The following PDE8B variants were observed in gnomAD, a reference collection of about 807,000 sequenced individuals.
PDE8B encodes high affinity cAMP-specific and IBMX-insensitive 3',5'-cyclic phosphodiesterase 8B.
Under a neutral mutation model 101.3 loss-of-function variants are expected in PDE8B, and 26 were observed. The ratio of observed to expected loss-of-function variants is 0.26; its 90% CI spans 0.19 to 0.36. The LOEUF (loss-of-function observed/expected upper bound fraction) is 0.36. PDE8B is among the 10% of genes least tolerant of loss of function. The probability of loss-of-function intolerance (pLI) is 1.00; values close to 1 mark genes in which losing one functional copy is unlikely to be tolerated. For missense variants in PDE8B, 810 were observed against 1,163.1 expected (o/e 0.70, Z 4.42); for synonymous variants, 424 against 429.3 (o/e 0.99, Z 0.15).
At chr5:77,153,489 T>G in the PDE8B span, among the ~76,000 whole-genome samples, 2 of 152,050 alleles carry the variant, frequency 1.3e-5, no homozygotes, top group Non-Finnish European at 2.9e-5. Flanking sequence ...GGGCTGGGGA[T>G]AGATATTGGA....
chr5:77,325,789 C>T, intron 3 of PDE8B, 60 bp downstream of exon 3: 2 of 1,112,316 alleles, frequency 1.8e-6, no homozygotes, highest in Middle Eastern at 2.7e-4. Context: ...AAACGAATTT[C>T]ATTTATAGAT....
the PDE8B span, chr5:77,087,458 G>A: frequency 2.0e-5 from 3 of 152,272 alleles, no homozygotes; most frequent in African/African-American, 7.2e-5. Flanking sequence ...CCGGGCCTGA[G>A]TCTCAGAGCG....
In PDE8B at chr5:77,236,423, TTGA is replaced by T. The variant is rs550240754; in HGVS notation, c.339+25163_339+25165del. Among the ~76,000 whole-genome samples, 576 of 152,130 alleles carry T rather than the reference TTGA, an allele frequency of 3.8e-3. 2 individuals carry two copies. Among genetic ancestry groups the T allele is most frequent in the African/African-American group, 0.013 (547 of 41,500 alleles). Reference sequence around the variant, plus strand: ...GGGCACCCAGAAGTTAGAGGCTGGGTTGATGAGGAGAAATTCAGTTTCTAAGAA... The same window carrying T: ...GGGCACCCAGAAGTTAGAGGCTGGGTTGAGGAGAAATTCAGTTTCTAAGAA... On this transcript the variant is annotated intron_variant, in intron 1 of 21. Coordinates refer to ENST00000264917, the MANE Select transcript of PDE8B (RefSeq NM_003719.5).
At chr5:77,130,378 T>C in the PDE8B span, among the ~76,000 whole-genome samples, 3 of 152,264 alleles carry the variant, frequency 2.0e-5, no homozygotes, top group African/African-American at 7.2e-5. Flanking sequence ...TTAGTTCTCC[T>C]TCCTGGGAGT....
chr5:77,258,237 C>T (rs908031764), intron 1 of PDE8B, among the ~76,000 whole-genome samples: 4 of 143,398 alleles, frequency 2.8e-5, no homozygotes, highest in Non-Finnish European at 4.5e-5. Context: ...TGTAGTGAGC[C>T]GAGATTGCAT....
At chr5:77,182,225 G>T in the PDE8B span, among the ~76,000 whole-genome samples, 2 of 151,846 alleles carry the variant, frequency 1.3e-5, no homozygotes, top group Non-Finnish European at 2.9e-5. Flanking sequence ...CTAGTTCTTT[G>T]CAGTCTTGCT....
At chr5:77,300,911 T>C (rs985135606) in intron 1 of PDE8B, among the ~76,000 whole-genome samples, 1 of 152,224 alleles carries the variant, frequency 6.6e-6, no homozygotes, top group Non-Finnish European at 1.5e-5. Context: ...TTCAAAAAAG[T>C]GGGCATTTGC....
At chr5:77,191,057 C>T in the PDE8B span, among the ~76,000 whole-genome samples, 2 of 152,170 alleles carry the variant, frequency 1.3e-5, no homozygotes, top group African/African-American at 2.4e-5. Flanking sequence ...TGGCACACAG[C>T]CATTTTCTTG....
chr5:77,255,138 A>G (rs2149653134), intron 1 of PDE8B, among the ~76,000 whole-genome samples: 1 of 152,200 alleles, frequency 6.6e-6, no homozygotes, highest in African/African-American at 2.4e-5. Flanking sequence ...GTAGCCAAGG[A>G]TCAGACTTGT....
intron 10 of PDE8B, among the ~76,000 whole-genome samples, chr5:77,384,475 G>A (rs1352145491): frequency 6.6e-6 from 1 of 152,076 alleles, no homozygotes; most frequent in African/African-American, 2.4e-5. Context: ...TCTTTCTCTT[G>A]CCTGATTGCC....
chr5:77,214,960 G>C (rs1319838864), intron 1 of PDE8B, among the ~76,000 whole-genome samples: 19 of 152,198 alleles, frequency 1.2e-4, no homozygotes, highest in African/African-American at 4.6e-4. Context: ...CCAGGCGAAT[G>C]AGGTGGGGCC....
Position 77,229,556 on chromosome 5 carries a change from A to G in PDE8B, c.339+18292A>G, listed in dbSNP as rs183446547. 5.3e-5 allele frequency among the ~76,000 whole-genome samples: 8 copies of G among 152,310 alleles called. No homozygotes were observed. The South Asian group carries it at 1.0e-3, about 20-fold the overall frequency. On this transcript the variant is annotated intron_variant, in intron 1 of 21. Coordinates refer to ENST00000264917, the MANE Select transcript of PDE8B (RefSeq NM_003719.5). ...ATTCTAGATAATTTCTAACACCTCCAAAAGAAACCCTGAATTTATTAGCAG... is the reference window on the plus strand; with the variant it reads ...ATTCTAGATAATTTCTAACACCTCCGAAAGAAACCCTGAATTTATTAGCAG...
chr5:77,189,505 A>G, the PDE8B span, among the ~76,000 whole-genome samples: 1 of 152,222 alleles, frequency 6.6e-6, no homozygotes, highest in Admixed American at 6.5e-5. Context: ...TGCCTCCCTG[A>G]TAATGTAATA....
At chr5:77,359,154 G>A (rs1389455275) in intron 10 of PDE8B, among the ~76,000 whole-genome samples, 2 of 152,112 alleles carry the variant, frequency 1.3e-5, no homozygotes, top group African/African-American at 4.8e-5. Flanking sequence ...GGACAGGGGT[G>A]GGGGTACTGA....
chr5:77,409,088 G>GA, intron 14 of PDE8B, 31 bp downstream of exon 14: 1 of 1,605,058 alleles, frequency 6.2e-7, no homozygotes. Flanking sequence ...TGAAAAGCAA[G>GA]AGAGGTATCC....
At chr5:77,348,329 C>T (rs1780505181) in intron 7 of PDE8B, among the ~76,000 whole-genome samples, 1 of 152,198 alleles carries the variant, frequency 6.6e-6, no homozygotes, top group African/African-American at 2.4e-5. Context: ...CACTCAGCCC[C>T]CATCTGTGAT....
the PDE8B span, among the ~76,000 whole-genome samples, chr5:77,185,218 G>C: frequency 1.3e-5 from 2 of 152,206 alleles, no homozygotes; most frequent in African/African-American, 2.4e-5. Context: ...CTCTGTATTA[G>C]TTTGCTAGAG....
the PDE8B span, among the ~76,000 whole-genome samples, chr5:77,133,741 A>C: frequency 6.6e-6 from 1 of 152,336 alleles, no homozygotes; most frequent in East Asian, 1.9e-4. Flanking sequence ...AGTGTGAGCT[A>C]GTTGTATTTA....
intron 2 of PDE8B, among the ~76,000 whole-genome samples, chr5:77,325,046 C>G (rs1042042314): frequency 8.5e-5 from 13 of 152,162 alleles, no homozygotes; most frequent in Non-Finnish European, 1.6e-4. Flanking sequence ...AGGTGAAATA[C>G]CTTGTTCAAA....
Sources: allele counts gnomAD v4.1 joint callset (sites outside exome capture counted in the v4.1 genomes callset), GRCh38; gene constraint gnomAD v4.1.1; transcripts MANE v1.5; gene names NCBI Gene and HGNC (gene_info 2026-07-23, HGNC 2026-07-21).